SLC35F3: variants seen among roughly 807,000 people sequenced by gnomAD.
The protein encoded by SLC35F3 is solute carrier family 35 member F3.
A neutral mutation model predicts 49.9 loss-of-function variants in SLC35F3; 25 were observed. The observed-to-expected ratio is 0.50, with a 90% CI of 0.37 to 0.70. SLC35F3 has a LOEUF of 0.70. Ranked by LOEUF, SLC35F3 falls within the 30% of genes least tolerant of loss-of-function variation. SLC35F3 has a pLI of 0.00. For synonymous variants in SLC35F3, 275 were observed against 265.4 expected, an observed-to-expected ratio of 1.04 and a Z score of -0.35; for missense variants, 525 against 639.8, an observed-to-expected ratio of 0.82 and a Z score of 1.94.
chr1:234,008,145 T>C (rs958963113), intron 2 of SLC35F3, among the ~76,000 whole-genome samples: 1 of 113,480 alleles, frequency 8.8e-6, no homozygotes, highest in Non-Finnish European at 1.9e-5. Flanking sequence ...CCTTGTCTTC[T>C]CTCACTCATC....
At chr1:234,087,261 A>G (rs1194232881) in intron 2 of SLC35F3, among the ~76,000 whole-genome samples, 1 of 152,338 alleles carries the variant, frequency 6.6e-6, no homozygotes, top group East Asian at 1.9e-4. Flanking sequence ...TAGAACCTTC[A>G]TAAGTCTTTC....
In SLC35F3 at chr1:234,188,240, A is replaced by G. The variant is rs575825057; in HGVS notation, c.284-43177A>G. 5.3e-4 allele frequency among the ~76,000 whole-genome samples: 80 copies of G among 151,366 alleles called. 2 individuals carry two copies. In the South Asian group the frequency reaches 0.016, roughly 30 times the overall value. On this transcript the variant is annotated intron_variant, in intron 2 of 7. Transcript: ENST00000366618. The stretch of plus-strand genomic sequence containing the variant: ...CAACAAGAGCGAAACTCCGCCTCAA[A>G]AAAAAAAAAAAAGTCCTGCTTGCTT...
At chr1:234,226,566 A>G (rs79465222) in intron 2 of SLC35F3, among the ~76,000 whole-genome samples, 22,928 of 147,454 alleles carry the variant, frequency 0.16, 2,553 homozygotes, top group African/African-American at 0.33. Flanking sequence ...AAAAAAAAAA[A>G]AAGCACCCAA....
chr1:234,286,421 C>A (rs1668420970), intron 3 of SLC35F3, among the ~76,000 whole-genome samples: 1 of 152,176 alleles, frequency 6.6e-6, no homozygotes. Context: ...AGCCCGAATG[C>A]CACAGGTGGG....
intron 2 of SLC35F3, among the ~76,000 whole-genome samples, chr1:234,111,008 A>G (rs1665397692): frequency 6.6e-6 from 1 of 152,226 alleles, no homozygotes; most frequent in Non-Finnish European, 1.5e-5. Flanking sequence ...TTAAGTTCAT[A>G]GTGGCTATCT....
intron 2 of SLC35F3, among the ~76,000 whole-genome samples, chr1:234,176,808 C>T (rs1214598965): frequency 6.6e-6 from 1 of 152,158 alleles, no homozygotes; most frequent in East Asian, 1.9e-4. Flanking sequence ...ACAATAACAA[C>T]AAAACACCTC....
chr1:233,930,091 A>G (rs1209605472), intron 2 of SLC35F3, among the ~76,000 whole-genome samples: 4 of 151,828 alleles, frequency 2.6e-5, no homozygotes, highest in Non-Finnish European at 5.9e-5. Context: ...TGAAGCCATG[A>G]TGAGCTATGA....
intron 2 of SLC35F3, among the ~76,000 whole-genome samples, chr1:233,973,886 C>T (rs760718257): frequency 3.9e-5 from 6 of 152,080 alleles, no homozygotes; most frequent in Non-Finnish European, 7.4e-5. Flanking sequence ...GCAGACTGTC[C>T]TTGTATTACT....
intron 2 of SLC35F3, among the ~76,000 whole-genome samples, chr1:233,990,810 A>G (rs1436677484): frequency 6.6e-6 from 1 of 152,238 alleles, no homozygotes; most frequent in Non-Finnish European, 1.5e-5. Context: ...AAATATATAC[A>G]ATATGTGTAA....
intron 2 of SLC35F3, among the ~76,000 whole-genome samples, chr1:233,934,759 A>G (rs955805783): frequency 6.6e-6 from 1 of 151,264 alleles, no homozygotes; most frequent in Admixed American, 6.6e-5. Flanking sequence ...AATAATCAAA[A>G]AAGCCACTGG....
intron 2 of SLC35F3, among the ~76,000 whole-genome samples, chr1:233,987,725 TTC>T (rs1251626790): frequency 2.0e-5 from 3 of 152,182 alleles, no homozygotes; most frequent in East Asian, 3.9e-4. Flanking sequence ...ATTTTCCCTC[TTC>T]TCTCTCTCTG....
chr1:234,270,082 C>T, intron 3 of SLC35F3, among the ~76,000 whole-genome samples: 1 of 152,214 alleles, frequency 6.6e-6, no homozygotes, highest in East Asian at 1.9e-4. Flanking sequence ...CCCACAAACC[C>T]ATGCCCATTG....
intron 3 of SLC35F3, among the ~76,000 whole-genome samples, chr1:234,244,427 T>A (rs1667600104): frequency 6.6e-6 from 1 of 152,096 alleles, no homozygotes; most frequent in Admixed American, 6.5e-5. Context: ...ATCAATATCA[T>A]GTTCACAATC....
chr1:234,118,654 A>T (rs17571261), intron 2 of SLC35F3, among the ~76,000 whole-genome samples: 26,399 of 152,094 alleles, frequency 0.17, 2,926 homozygotes, highest in Middle Eastern at 0.29. Flanking sequence ...GCTCTATGTG[A>T]TTCATTTAGC....
intron 2 of SLC35F3, among the ~76,000 whole-genome samples, chr1:233,941,264 A>G (rs1307019233): frequency 6.6e-6 from 1 of 152,184 alleles, no homozygotes; most frequent in Non-Finnish European, 1.5e-5. Flanking sequence ...ACCCTTTTCT[A>G]GATACCCAAT....
intron 2 of SLC35F3, among the ~76,000 whole-genome samples, chr1:234,128,067 G>C (rs1665675502): frequency 6.6e-6 from 1 of 152,216 alleles, no homozygotes; most frequent in Non-Finnish European, 1.5e-5. Flanking sequence ...GGAAGAGTTG[G>C]AGTTAAGTGC....
intron 2 of SLC35F3, among the ~76,000 whole-genome samples, chr1:234,150,665 G>A (rs16842671): frequency 0.018 from 2,808 of 152,246 alleles, 82 homozygotes; most frequent in African/African-American, 0.064. Flanking sequence ...ATTCTGGGAC[G>A]ATGGTAGCAG....
At chr1:234,106,078 T>C (rs1026230210) in intron 2 of SLC35F3, among the ~76,000 whole-genome samples, 1 of 152,256 alleles carries the variant, frequency 6.6e-6, no homozygotes, top group Non-Finnish European at 1.5e-5. Context: ...CTGAAATTTA[T>C]GACTACGGTT....
chr1:234,013,412 C>T (rs1447240156), intron 2 of SLC35F3, among the ~76,000 whole-genome samples: 1 of 151,442 alleles, frequency 6.6e-6, no homozygotes, highest in African/African-American at 2.4e-5. Flanking sequence ...AATAAACAAC[C>T]TAATGTTATA....
Sources: allele counts gnomAD v4.1 joint callset (sites outside exome capture counted in the v4.1 genomes callset), GRCh38; gene constraint gnomAD v4.1.1; transcripts MANE v1.5; gene names NCBI Gene and HGNC (gene_info 2026-07-23, HGNC 2026-07-21).